Variants in CNOT9 observed in about 807,000 individuals in gnomAD.
CNOT9 encodes the protein CCR4-NOT transcription complex subunit 9, also known as RCD1 required for cell differentiation1 homolog.
A neutral mutation model predicts 37.4 loss-of-function variants in CNOT9; 8 were observed. The ratio of observed to expected loss-of-function variants is 0.21; its 90% CI spans 0.13 to 0.39. The LOEUF is 0.39. CNOT9 is among the 10% of genes least tolerant of loss of function. CNOT9 has a pLI of 1.00. For missense variants in CNOT9, 154 were observed against 365.3 expected (o/e 0.42, Z 4.71); for synonymous variants, 120 against 137.6 (o/e 0.87, Z 0.90).
At chr2:218,590,862 G>T (rs1668494634) in intron 5 of CNOT9, among the ~76,000 whole-genome samples, 1 of 152,020 alleles carries the variant, frequency 6.6e-6, no homozygotes, top group Non-Finnish European at 1.5e-5. Context: ...GGTTTTCTCT[G>T]TCGCCCAGGC....
In CNOT9 at chr2:218,582,968, T is replaced by C; in HGVS notation, c.205-3T>C. ...TCATCTGATGCTGATTTCCATTTTT[T>C]AGGAAATTGTAAATATTTATCCATC... On this transcript the variant is annotated splice_polypyrimidine_tract_variant and splice_region_variant and intron_variant, in intron 2 of 7. Coordinates refer to ENST00000273064, the MANE Select transcript of CNOT9 (RefSeq NM_005444.3). 6.4e-7 allele frequency: 1 copy of C among 1,557,926 alleles called. No homozygotes were observed.
chr2:218,574,181 C>G, intron 1 of CNOT9: 1 of 265,756 alleles, frequency 3.8e-6, no homozygotes, highest in Non-Finnish European at 7.7e-6. Context: ...TGTTGAAACT[C>G]CTGACCTCAA....
chr2:218,587,562 T>A (rs1211970565), intron 4 of CNOT9, 24 bp from the exon 5 acceptor site: 1 of 1,558,478 alleles, frequency 6.4e-7, no homozygotes, highest in African/African-American at 1.4e-5. Context: ...GTAAAATAAT[T>A]TTGTTTGTCC....
chr2:218,584,697 C>T lies in CNOT9; in HGVS notation c.406C>T (p.Arg136Trp), dbSNP rs1303194811. 6.8e-6 allele frequency: 11 copies of T among 1,612,106 alleles called. No individual in the cohort carries two copies. The highest frequency in any genetic ancestry group is 2.2e-5 in the East Asian group (1 of 44,884). Residue 136 changes from arginine to tryptophan, a missense_variant, in exon 4 of 8, where the codon CGG (arginine) becomes TGG (tryptophan). By Grantham distance (101) the Arg-to-Trp change is moderately radical (BLOSUM62 -3). This residue lies in a region of CNOT9 where 117 missense variants were observed against 325.4 expected (regional missense o/e 0.36). Transcript: ENST00000273064. ...VSKTRPFEYL[R>W]LTSLGVIGAL... ...CAAAACACGTCCCTTTGAGTATCTCCGGCTCACCAGCCTTGGAGTTATTGG... is the reference window on the plus strand; with the variant it reads ...CAAAACACGTCCCTTTGAGTATCTCTGGCTCACCAGCCTTGGAGTTATTGG...
At chr2:218,591,587 A>G (rs1694778219) in intron 5 of CNOT9, among the ~76,000 whole-genome samples, 1 of 152,060 alleles carries the variant, frequency 6.6e-6, no homozygotes, top group African/African-American at 2.4e-5. Flanking sequence ...TACTAAAAAT[A>G]CCAAAATTAG....
At chr2:218,569,041 C>T (rs1574979530) in intron 1 of CNOT9, 63 bp downstream of exon 1, 1 of 1,578,330 alleles carries the variant, frequency 6.3e-7, no homozygotes, top group Non-Finnish European at 8.7e-7. Flanking sequence ...TTTCGGCCTT[C>T]TCTCCTAATT....
chr2:218,592,424 C>G lies in CNOT9; in HGVS notation c.639+22C>G. On this transcript the variant is annotated intron_variant, in intron 6 of 7. Coordinates refer to ENST00000273064, the MANE Select transcript of CNOT9 (RefSeq NM_005444.3). This position sits in a 1 kb window ranked among gnomAD's most constrained non-coding sequence, Gnocchi z 4.1. ...CTTGGTGAGTTCTTTCATCTATCCC[C>G]TTTACAACTACTTCTCATCACAAAG... 6.4e-7 allele frequency: 1 copy of G among 1,574,738 alleles called. No homozygotes were observed.
intron 1 of CNOT9, among the ~76,000 whole-genome samples, chr2:218,578,709 A>G (rs369405149): frequency 1.3e-5 from 2 of 152,114 alleles, no homozygotes; most frequent in Admixed American, 1.3e-4. Flanking sequence ...ACCTGAGAAC[A>G]TATTGGGCAT....
At position 218,594,351 on chromosome 2, in the gene CNOT9, T is replaced by G. The variant is rs1025849895; in HGVS notation, c.*75T>G. The stretch of plus-strand genomic sequence containing the variant: ...GAACCTACGAGAAAAACAGCTCAGG[T>G]TTTATCACCGACTGGGAATAGACAA... On this transcript the variant is annotated 3_prime_UTR_variant, in exon 8 of 8. Coordinates refer to ENST00000273064, the MANE Select transcript of CNOT9 (RefSeq NM_005444.3). The G allele has an allele frequency of 3.4e-6, 5 of 1,458,704 alleles. No individual in the cohort carries two copies. Among genetic ancestry groups the G allele is most frequent in the Non-Finnish European group, 2.8e-6 (3 of 1,075,024 alleles). The allele number at this position is 1,458,704 out of a possible 1,614,324, so 90.4% of individuals were successfully genotyped here.
chr2:218,593,018 G>C (rs585185), intron 7 of CNOT9: 1 of 329,602 alleles, frequency 3.0e-6, no homozygotes, highest in Non-Finnish European at 5.5e-6. Context: ...CGTGGTCAGA[G>C]AGAGAAGTAT....
At chr2:218,570,725 A>G (rs528016590) in intron 1 of CNOT9, among the ~76,000 whole-genome samples, 1 of 152,314 alleles carries the variant, frequency 6.6e-6, no homozygotes, top group East Asian at 1.9e-4. Flanking sequence ...GTGCCTTCCC[A>G]AACTCTGTAG....
chr2:218,594,076 C>T (rs774551383), intron 7 of CNOT9, 32 bp from the exon 8 acceptor site: 6 of 1,608,694 alleles, frequency 3.7e-6, no homozygotes, highest in Non-Finnish European at 1.7e-6. Flanking sequence ...ATTTGTTGGT[C>T]TCCCTGGTTG....
At chr2:218,587,764 A>G (rs548471419) in intron 5 of CNOT9, 69 bp downstream of exon 5, 2 of 672,476 alleles carry the variant, frequency 3.0e-6, no homozygotes, top group South Asian at 3.8e-5. Context: ...TCCTGGGATC[A>G]TTTTCTCTCT....
chr2:218,568,923 G>A lies in CNOT9; in HGVS notation c.-32G>A. 5 of 1,604,882 alleles carry A rather than the reference G, an allele frequency of 3.1e-6. 1 individual carries two copies. The highest frequency in any genetic ancestry group is 3.4e-6 in the Non-Finnish European group (4 of 1,175,476). ...GGGGGGACGCGGGTCGGACGCGTCC[G>A]GCTGTGGAAGAGAGCGGCGGCCGCT... On this transcript the variant is annotated 5_prime_UTR_variant, in exon 1 of 8. Coordinates refer to ENST00000273064, the MANE Select transcript of CNOT9 (RefSeq NM_005444.3).
chr2:218,569,090 C>T (rs1189454479), intron 1 of CNOT9, 112 bp downstream of exon 1: 12 of 1,205,342 alleles, frequency 1.0e-5, no homozygotes, highest in African/African-American at 1.5e-5. Flanking sequence ...TTTCTGCCCT[C>T]AATCTCCAAG....
intron 4 of CNOT9, among the ~76,000 whole-genome samples, chr2:218,586,574 C>G (rs914543682): frequency 1.3e-5 from 2 of 151,886 alleles, no homozygotes; most frequent in South Asian, 4.2e-4. Context: ...CTGCACCCTC[C>G]GCCTCCTGGG....
chr2:218,580,453 G>C (rs1694337214), intron 1 of CNOT9, 108 bp from the exon 2 acceptor site: 2 of 891,322 alleles, frequency 2.2e-6, no homozygotes, highest in Non-Finnish European at 3.3e-6. Context: ...ATTTAGAAAC[G>C]CTCCCCTGGT....
At chr2:218,571,590 A>T (rs1391614392) in intron 1 of CNOT9, among the ~76,000 whole-genome samples, 7 of 125,074 alleles carry the variant, frequency 5.6e-5, no homozygotes, top group Admixed American at 5.2e-4. Flanking sequence ...TTTTTTTTTG[A>T]GATAGAGTTT....
intron 1 of CNOT9, among the ~76,000 whole-genome samples, chr2:218,571,290 GCCCATAGTC>G (rs1693983092): frequency 6.6e-6 from 1 of 152,144 alleles, no homozygotes; most frequent in Non-Finnish European, 1.5e-5. Flanking sequence ...GGTGGTGTGT[GCCCATAGTC>G]CCAGCTACTT....
Sources: gnomAD v4.1 joint callset for allele counts (sites outside exome capture counted in the v4.1 genomes callset) on GRCh38, gnomAD v4.1.1 for gene constraint, gnomAD v4.1.1 regional missense constraint, Gnocchi (gnomAD v3.1) non-coding constraint, MANE v1.5 for transcripts, NCBI Gene and HGNC (gene_info 2026-07-23, HGNC 2026-07-21) for gene names.